Variants in PROS1 observed in about 807,000 individuals in gnomAD.
PROS1 encodes the protein protein S, also known as vitamin K-dependent protein S.
In PROS1, 29 loss-of-function variants were observed where a neutral mutation model predicts 75.9. The observed-to-expected ratio is 0.38, with a 90% CI of 0.28 to 0.52. The LOEUF (loss-of-function observed/expected upper bound fraction) is 0.52. PROS1 is among the 20% of genes least tolerant of loss of function. The probability of loss-of-function intolerance (pLI) is 0.83; values close to 1 mark genes in which losing one functional copy is unlikely to be tolerated. For missense variants in PROS1, 680 were observed against 810.3 expected (o/e 0.84, Z 1.95); for synonymous variants, 245 against 280.6 (o/e 0.87, Z 1.27).
chr3:93,914,812 A>T (rs572362553), intron 3 of PROS1, among the ~76,000 whole-genome samples: 1 of 152,158 alleles, frequency 6.6e-6, no homozygotes, highest in African/African-American at 2.4e-5. Flanking sequence ...GTAGTCTTTT[A>T]TCTTTCACCC....
At chr3:93,903,976 C>G (rs1708635387) in intron 6 of PROS1, among the ~76,000 whole-genome samples, 1 of 125,282 alleles carries the variant, frequency 8.0e-6, no homozygotes, top group Non-Finnish European at 1.6e-5. Context: ...TCCCCCCACC[C>G]TACAACAGTC....
intron 14 of PROS1, among the ~76,000 whole-genome samples, chr3:93,875,612 C>T (rs1331006553): frequency 6.7e-6 from 1 of 149,346 alleles, no homozygotes; most frequent in Admixed American, 6.8e-5. Context: ...ATTAGGCATG[C>T]TCACTACTTA....
At chr3:93,955,218 C>A (rs528199845) in intron 1 of PROS1, among the ~76,000 whole-genome samples, 5 of 152,218 alleles carry the variant, frequency 3.3e-5, no homozygotes, top group African/African-American at 1.2e-4. Context: ...CAGCCATCCC[C>A]TTACTGGGTA....
chr3:93,929,794 T>C (rs1709077197), intron 1 of PROS1, among the ~76,000 whole-genome samples: 1 of 152,248 alleles, frequency 6.6e-6, no homozygotes, highest in Non-Finnish European at 1.5e-5. Flanking sequence ...TTAATACAGC[T>C]TTTTAATGAA....
chr3:93,925,059 A>G (rs537018625), intron 2 of PROS1, among the ~76,000 whole-genome samples: 20 of 152,310 alleles, frequency 1.3e-4, no homozygotes, highest in African/African-American at 4.8e-4. Flanking sequence ...TTGGTTGTGT[A>G]CCAAAAGTTT....
At chr3:93,956,430 G>C (rs1452440830) in intron 1 of PROS1, among the ~76,000 whole-genome samples, 3 of 152,012 alleles carry the variant, frequency 2.0e-5, no homozygotes, top group African/African-American at 7.2e-5. Context: ...CTGGGAGGCT[G>C]AGGCTGCAGT....
intron 10 of PROS1, among the ~76,000 whole-genome samples, chr3:93,892,543 G>T (rs934031719): frequency 6.6e-6 from 1 of 150,866 alleles, no homozygotes; most frequent in Non-Finnish European, 1.5e-5. Context: ...AGAATCACTT[G>T]AACCTGGGAG....
At chr3:93,941,780 G>C (rs1295942659) in intron 1 of PROS1, among the ~76,000 whole-genome samples, 1 of 152,166 alleles carries the variant, frequency 6.6e-6, no homozygotes, top group Non-Finnish European at 1.5e-5. Context: ...TGCGGCAGCT[G>C]CTACTGCCAT....
intron 1 of PROS1, among the ~76,000 whole-genome samples, chr3:93,935,858 G>A (rs1665580969): frequency 1.3e-5 from 2 of 150,080 alleles, no homozygotes; most frequent in South Asian, 4.2e-4. Flanking sequence ...ATTAAGGAAA[G>A]GAGAGAATAT....
At chr3:93,883,463 G>A (rs1001585470) in intron 12 of PROS1, among the ~76,000 whole-genome samples, 7 of 151,844 alleles carry the variant, frequency 4.6e-5, no homozygotes, top group East Asian at 1.9e-4. Flanking sequence ...GCATGGTGGC[G>A]CACCCTTGTA....
At chr3:93,883,761 G>A (rs937381730) in intron 12 of PROS1, among the ~76,000 whole-genome samples, 10 of 151,912 alleles carry the variant, frequency 6.6e-5, no homozygotes, top group African/African-American at 2.4e-4. Flanking sequence ...GAGATCAGCA[G>A]TTCAAAACCA....
At chr3:93,958,960 A>C (rs1267840130) in intron 1 of PROS1, among the ~76,000 whole-genome samples, 4 of 152,176 alleles carry the variant, frequency 2.6e-5, no homozygotes, top group African/African-American at 9.7e-5. Context: ...GAAAATTGAC[A>C]CTTTTTGAAA....
At chr3:93,913,364 G>C (rs1708789731) in intron 3 of PROS1, among the ~76,000 whole-genome samples, 1 of 152,186 alleles carries the variant, frequency 6.6e-6, no homozygotes, top group South Asian at 2.1e-4. Flanking sequence ...TCATGGTAGT[G>C]AGTAAATCTC....
intron 10 of PROS1, among the ~76,000 whole-genome samples, chr3:93,888,373 A>G (rs537863659): frequency 1.1e-4 from 16 of 152,200 alleles, no homozygotes; most frequent in Non-Finnish European, 2.1e-4. Flanking sequence ...TTGACTACGT[A>G]TATATTGAAA....
At chr3:93,902,749 C>CAA (rs529822667) in intron 6 of PROS1, among the ~76,000 whole-genome samples, 1 of 130,746 alleles carries the variant, frequency 7.6e-6, no homozygotes, top group Non-Finnish European at 1.6e-5. Flanking sequence ...GACTCTGTCT[C>CAA]AAAAAAAAAA....
chr3:93,887,639 T>G (rs2107142283), intron 10 of PROS1, among the ~76,000 whole-genome samples: 1 of 152,326 alleles, frequency 6.6e-6, no homozygotes, highest in South Asian at 2.1e-4. Flanking sequence ...ATATAGCCAA[T>G]TAGCAGCATG....
intron 3 of PROS1, among the ~76,000 whole-genome samples, chr3:93,917,512 C>T (rs560941717): frequency 5.9e-5 from 9 of 152,322 alleles, no homozygotes; most frequent in South Asian, 4.1e-4. Context: ...CCCACTTTGG[C>T]GGCACTTGAG....
chr3:93,887,176 C>A (rs1483651437), intron 10 of PROS1, among the ~76,000 whole-genome samples: 6 of 152,056 alleles, frequency 3.9e-5, no homozygotes, highest in African/African-American at 7.2e-5. Context: ...CCTTGGCCTC[C>A]CAAAGTGCTG....
intron 4 of PROS1, among the ~76,000 whole-genome samples, chr3:93,908,228 CA>C (rs1417572773): frequency 6.6e-6 from 1 of 152,144 alleles, no homozygotes; most frequent in Non-Finnish European, 1.5e-5. Flanking sequence ...AGTAGAACTT[CA>C]GTCTAACTAT....
Sources: gnomAD v4.1 joint callset for allele counts (sites outside exome capture counted in the v4.1 genomes callset) on GRCh38, gnomAD v4.1.1 for gene constraint, MANE v1.5 for transcripts, NCBI Gene and HGNC (gene_info 2026-07-23, HGNC 2026-07-21) for gene names.